Variants in CA10 observed in about 807,000 individuals in gnomAD.
CA10 encodes the protein carbonic anhydrase 10 (inactive).
Under a neutral mutation model 44.2 loss-of-function variants are expected in CA10, and 14 were observed. That is an observed-to-expected ratio of 0.32 (90% CI 0.21 to 0.50). CA10 has a LOEUF of 0.50. Among genes scored for constraint, CA10 ranks in the 20% least tolerant of loss-of-function variants. CA10 has a pLI of 0.99. For synonymous variants in CA10, 159 were observed against 141.6 expected (o/e 1.12, Z -0.87); for missense variants, 350 against 409.7 (o/e 0.85, Z 1.26).
At chr17:51,961,934 C>T (rs1983908137) in intron 2 of CA10, among the ~76,000 whole-genome samples, 1 of 152,086 alleles carries the variant, frequency 6.6e-6, no homozygotes, top group South Asian at 2.1e-4. Context: ...AATCATGGTG[C>T]ATCCAGGCCC....
chr17:51,964,358 C>T (rs564696134), intron 2 of CA10, among the ~76,000 whole-genome samples: 32 of 151,922 alleles, frequency 2.1e-4, no homozygotes, highest in African/African-American at 5.8e-4. Context: ...GGATCATCAA[C>T]GCAGAAAACT....
intron 3 of CA10, among the ~76,000 whole-genome samples, chr17:51,922,394 A>C (rs572391511): frequency 5.3e-5 from 8 of 152,222 alleles, no homozygotes; most frequent in Middle Eastern, 3.4e-3. Flanking sequence ...TTCTCTCCCA[A>C]ATGGAGGTAT....
intron 5 of CA10, among the ~76,000 whole-genome samples, chr17:51,649,521 G>C (rs1343513166): frequency 6.6e-6 from 1 of 152,212 alleles, no homozygotes; most frequent in East Asian, 1.9e-4. Flanking sequence ...GTTGGAGGAA[G>C]ACCAGCCACC....
At chr17:52,098,478 C>G (rs1374630393) in intron 1 of CA10, among the ~76,000 whole-genome samples, 1 of 152,064 alleles carries the variant, frequency 6.6e-6, no homozygotes, top group East Asian at 1.9e-4. Context: ...TAATTCTGAC[C>G]CAACAATAAC....
At chr17:51,715,941 C>T (rs911754021) in intron 4 of CA10, among the ~76,000 whole-genome samples, 4 of 152,264 alleles carry the variant, frequency 2.6e-5, no homozygotes, top group East Asian at 1.9e-4. Flanking sequence ...CCGCCCACCT[C>T]GGCCTCCCAA....
intron 4 of CA10, among the ~76,000 whole-genome samples, chr17:51,672,971 G>A (rs9898452): frequency 0.023 from 3,522 of 152,310 alleles, 138 homozygotes; most frequent in African/African-American, 0.08. Context: ...TTATTCCAAG[G>A]CATGCCCAAG....
chr17:51,921,678 A>G (rs1982240315), intron 3 of CA10, among the ~76,000 whole-genome samples: 1 of 152,126 alleles, frequency 6.6e-6, no homozygotes, highest in African/African-American at 2.4e-5. Flanking sequence ...CTCACTTGTC[A>G]TGGATGTAGA....
At chr17:51,650,892 G>A (rs941976494) in intron 5 of CA10, among the ~76,000 whole-genome samples, 6 of 152,196 alleles carry the variant, frequency 3.9e-5, no homozygotes, top group African/African-American at 1.2e-4. Context: ...TGTTGGCTGC[G>A]TGGGTGAGAG....
intron 2 of CA10, among the ~76,000 whole-genome samples, chr17:51,945,778 T>C (rs775710188): frequency 2.6e-5 from 4 of 152,128 alleles, no homozygotes; most frequent in Admixed American, 6.6e-5. Context: ...GCTATTTCCA[T>C]TTCTCACTCC....
intron 3 of CA10, among the ~76,000 whole-genome samples, chr17:51,753,723 G>T (rs574535811): frequency 6.6e-6 from 1 of 152,292 alleles, no homozygotes; most frequent in African/African-American, 2.4e-5. Flanking sequence ...TGTCTTACCT[G>T]GTTTCTATGG....
chr17:51,751,999 T>C (rs1476036439), intron 3 of CA10, among the ~76,000 whole-genome samples: 1 of 152,156 alleles, frequency 6.6e-6, no homozygotes, highest in African/African-American at 2.4e-5. Context: ...CACTCCATTA[T>C]GGAGAGACCT....
chr17:51,763,800 A>G (rs1345612287), intron 3 of CA10, among the ~76,000 whole-genome samples: 3 of 152,108 alleles, frequency 2.0e-5, no homozygotes, highest in African/African-American at 7.2e-5. Context: ...CACCTCTGAC[A>G]TACACTCATT....
At chr17:51,747,957 G>A (rs2143606900) in intron 3 of CA10, 139 bp from the exon 4 acceptor site, 1 of 621,368 alleles carries the variant, frequency 1.6e-6, no homozygotes, top group East Asian at 2.8e-5. Context: ...AGTAGGGCGT[G>A]GCAGCTGCCC....
chr17:51,807,514 G>A (rs1361642453), intron 3 of CA10, among the ~76,000 whole-genome samples: 1 of 152,154 alleles, frequency 6.6e-6, no homozygotes, highest in African/African-American at 2.4e-5. Context: ...CCACTAATTT[G>A]TAGAACACTT....
intron 2 of CA10, among the ~76,000 whole-genome samples, chr17:52,002,644 T>C (rs1446789182): frequency 1.3e-5 from 2 of 152,016 alleles, no homozygotes; most frequent in East Asian, 3.9e-4. Flanking sequence ...TATTTTATTC[T>C]TAAAATTCAT....
At chr17:52,080,508 A>C (rs1987946175) in intron 1 of CA10, among the ~76,000 whole-genome samples, 1 of 150,782 alleles carries the variant, frequency 6.6e-6, no homozygotes, top group African/African-American at 2.4e-5. Context: ...AAATATTAAA[A>C]TAAATAGAGA....
chr17:52,081,498 A>T (rs1232994805), intron 1 of CA10, among the ~76,000 whole-genome samples: 1 of 152,180 alleles, frequency 6.6e-6, no homozygotes, highest in Non-Finnish European at 1.5e-5. Context: ...AAAATAGAAC[A>T]TCATAAGATT....
intron 3 of CA10, among the ~76,000 whole-genome samples, chr17:51,778,333 C>T (rs1905912082): frequency 6.6e-6 from 1 of 152,158 alleles, no homozygotes; most frequent in African/African-American, 2.4e-5. Flanking sequence ...TGGAGAAGCA[C>T]CAGAGGCACA....
chr17:51,870,642 A>G (rs565526283), intron 3 of CA10, among the ~76,000 whole-genome samples: 1 of 152,368 alleles, frequency 6.6e-6, no homozygotes, highest in African/African-American at 2.4e-5. Flanking sequence ...GCACTTATTG[A>G]CATGCTAGAG....
Sources: allele counts gnomAD v4.1 joint callset (sites outside exome capture counted in the v4.1 genomes callset), GRCh38; gene constraint gnomAD v4.1.1; transcripts MANE v1.5; gene names NCBI Gene and HGNC (gene_info 2026-07-23, HGNC 2026-07-21).